Variants in HMGB1 observed in about 807,000 individuals in gnomAD.
HMGB1 encodes high mobility group box 1, also known as high mobility group protein B1.
For synonymous variants in HMGB1, 81 were observed against 84.0 expected, an observed-to-expected ratio of 0.96 and a Z score of 0.19; for missense variants, 79 against 253.5, an observed-to-expected ratio of 0.31 and a Z score of 4.67.
chr13:30,480,611 G>T (rs1056433645), intron 1 of HMGB1, among the ~76,000 whole-genome samples: 16 of 152,086 alleles, frequency 1.1e-4, no homozygotes, highest in African/African-American at 3.9e-4. Flanking sequence ...TAGATGCCCT[G>T]GGTGAAGCTG....
At position 30,462,781 on chromosome 13, in the gene HMGB1, C is replaced by A. The variant is rs1886440040; in HGVS notation, c.297-69G>T. ...AAAAACAAATACTATCAAGTGTACA[C>A]TGCATTGCTATTTAAAGCTGCCTGT... On this transcript the variant is annotated intron_variant, in intron 3 of 4. Coordinates refer to ENST00000341423, the MANE Select transcript of HMGB1 (RefSeq NM_002128.7). 4 of 1,275,004 alleles carry A rather than the reference C, an allele frequency of 3.1e-6. No homozygotes were observed. In the South Asian group the frequency reaches 3.8e-5, roughly 12 times the overall value. 79.0% of individuals were successfully genotyped at this position (1,275,004 alleles called of 1,614,324 possible).
At chr13:30,496,059 A>T (rs1335624086) in intron 1 of HMGB1, among the ~76,000 whole-genome samples, 3 of 152,158 alleles carry the variant, frequency 2.0e-5, no homozygotes, top group Non-Finnish European at 4.4e-5. Flanking sequence ...TAACTTTTTT[A>T]GTTTTAATGT....
At chr13:30,512,190 AT>A (rs1385551371) in intron 1 of HMGB1, among the ~76,000 whole-genome samples, 11 of 152,138 alleles carry the variant, frequency 7.2e-5, no homozygotes, top group Non-Finnish European at 1.5e-4. Flanking sequence ...AATCAAAAGG[AT>A]GCCTGCTCTG....
chr13:30,551,080 T>G (rs1869404968), intron 1 of HMGB1, among the ~76,000 whole-genome samples: 1 of 152,158 alleles, frequency 6.6e-6, no homozygotes, highest in Admixed American at 6.5e-5. Flanking sequence ...CCCCCGAGTA[T>G]CAGCAACTGA....
intron 1 of HMGB1, among the ~76,000 whole-genome samples, chr13:30,591,428 G>A (rs1158808542): frequency 1.3e-5 from 2 of 151,952 alleles, no homozygotes; most frequent in Non-Finnish European, 2.9e-5. Flanking sequence ...AACACCTGGC[G>A]ATTTTATATA....
At chr13:30,589,109 G>A (rs1566033900) in intron 1 of HMGB1, among the ~76,000 whole-genome samples, 1 of 150,628 alleles carries the variant, frequency 6.6e-6, no homozygotes, top group East Asian at 2.1e-4. Flanking sequence ...AGGTTTAAGC[G>A]ATTCTCCAGC....
At chr13:30,551,463 T>C (rs1869426294) in intron 1 of HMGB1, among the ~76,000 whole-genome samples, 2 of 152,204 alleles carry the variant, frequency 1.3e-5, no homozygotes, top group Admixed American at 6.5e-5. Flanking sequence ...CCTGTAACCT[T>C]AAATACCATA....
chr13:30,503,647 C>CTGTTT (rs1177532712), intron 1 of HMGB1, among the ~76,000 whole-genome samples: 1 of 106,438 alleles, frequency 9.4e-6, no homozygotes, highest in Non-Finnish European at 1.9e-5. Flanking sequence ...TACTCAGCTT[C>CTGTTT]TTTTTTTTTT....
chr13:30,502,899 C>T (rs1887766550), intron 1 of HMGB1, among the ~76,000 whole-genome samples: 1 of 152,100 alleles, frequency 6.6e-6, no homozygotes, highest in Non-Finnish European at 1.5e-5. Flanking sequence ...TGGTCTCAAA[C>T]TCCTGGTGTC....
intron 1 of HMGB1, among the ~76,000 whole-genome samples, chr13:30,556,297 C>A (rs567862446): frequency 3.3e-5 from 5 of 152,176 alleles, no homozygotes; most frequent in Non-Finnish European, 5.9e-5. Flanking sequence ...CCCAGCTACT[C>A]GAGAGCTGAG....
chr13:30,476,566 T>TA (rs1887103305), intron 1 of HMGB1, among the ~76,000 whole-genome samples: 1 of 152,086 alleles, frequency 6.6e-6, no homozygotes, highest in Non-Finnish European at 1.5e-5. Flanking sequence ...GCACTATACA[T>TA]AGAGTATTTT....
chr13:30,481,176 C>T (rs1489875866), intron 1 of HMGB1, among the ~76,000 whole-genome samples: 1 of 151,336 alleles, frequency 6.6e-6, no homozygotes, highest in Non-Finnish European at 1.5e-5. Context: ...AATTAGAAGA[C>T]TCAAAAAAAC....
At chr13:30,470,359 CA>C (rs1886890860), upstream of HMGB1, among the ~76,000 whole-genome samples, 1 of 152,156 alleles carries the variant, frequency 6.6e-6, no homozygotes, top group Admixed American at 6.6e-5. Flanking sequence ...CTTTCTAAAT[CA>C]AAAGGCAGGA....
intron 1 of HMGB1, among the ~76,000 whole-genome samples, chr13:30,477,883 G>T (rs1056847188): frequency 6.6e-6 from 1 of 152,114 alleles, no homozygotes; most frequent in Non-Finnish European, 1.5e-5. Context: ...AAAGCGGTTT[G>T]TAAGGGTAAA....
intron 1 of HMGB1, among the ~76,000 whole-genome samples, chr13:30,592,379 C>T (rs1003752229): frequency 2.0e-5 from 3 of 152,044 alleles, no homozygotes; most frequent in African/African-American, 7.2e-5. Context: ...TTGAAAATGA[C>T]ATGAAAATTA....
chr13:30,467,666 T>A (rs1455171525), upstream of HMGB1, among the ~76,000 whole-genome samples: 7 of 152,260 alleles, frequency 4.6e-5, no homozygotes, highest in Non-Finnish European at 1.5e-5. Context: ...TTATATTTTT[T>A]AAATCTAGAT....
Position 30,538,573 on chromosome 13 carries a change from T to C in HMGB1, c.-14-74879A>G, listed in dbSNP as rs533421447. Among the ~76,000 whole-genome samples, 747 of 87,938 alleles carry C rather than the reference T, an allele frequency of 8.5e-3. 20 individuals are homozygous for C. Among genetic ancestry groups the C allele is most frequent in the Middle Eastern group, 0.015 (2 of 130 alleles). 57.7% of individuals were successfully genotyped at this position (87,938 alleles called of 152,430 possible). A position where few individuals can be genotyped will look rare whatever the true frequency, so the allele number is the denominator to read the frequency against. On this transcript the variant is annotated intron_variant, in intron 1 of 4. Transcript: ENST00000405805. ...TCTTTCTTTTTCTTTCTTCTTTTTC[T>C]TTCTTTCTTTCTTTTTCTTTCTTCT...
Position 30,518,192 on chromosome 13 carries a change from C to T in HMGB1, c.-14-54498G>A, listed in dbSNP as rs138542010. On this transcript the variant is annotated intron_variant, in intron 1 of 4. Coordinates refer to the HMGB1 transcript ENST00000405805. ...ACTAAAAATAAAAATAAAAAAATAGCTGGGTGTGGTGGCACATGTCCATAG... is the reference window on the plus strand; with the variant it reads ...ACTAAAAATAAAAATAAAAAAATAGTTGGGTGTGGTGGCACATGTCCATAG... Among the ~76,000 whole-genome samples, 11 of 152,116 alleles carry T rather than the reference C, an allele frequency of 7.2e-5. No individual in the cohort carries two copies. In the East Asian group the frequency reaches 2.1e-3, roughly 29 times the overall value.
At chr13:30,561,823 C>G (rs1869965370) in intron 1 of HMGB1, among the ~76,000 whole-genome samples, 1 of 152,110 alleles carries the variant, frequency 6.6e-6, no homozygotes, top group Non-Finnish European at 1.5e-5. Context: ...AGCGGATCAT[C>G]AAGATAGTGG....
Sources: allele counts gnomAD v4.1 joint callset (sites outside exome capture counted in the v4.1 genomes callset), GRCh38; gene constraint gnomAD v4.1.1; transcripts MANE v1.5; gene names NCBI Gene and HGNC (gene_info 2026-07-23, HGNC 2026-07-21).